WDFY4: variants seen among roughly 807,000 people sequenced by gnomAD.
WDFY4 encodes the protein WD repeat- and FYVE domain-containing protein 4.
In WDFY4, 169 loss-of-function variants were observed where a neutral mutation model predicts 351.9. That is an observed-to-expected ratio of 0.48 (90% CI 0.42 to 0.55). The LOEUF (loss-of-function observed/expected upper bound fraction) is 0.55. Ranked by LOEUF, WDFY4 falls within the 20% of genes least tolerant of loss-of-function variation. WDFY4 has a pLI of 0.00. For synonymous variants in WDFY4, 1,622 were observed against 1,574.6 expected (o/e 1.03, Z -0.71); for missense variants, 3,803 against 3,935.6 (o/e 0.97, Z 0.90).
chr10:48,730,206 G>C (rs1322633354), intron 8 of WDFY4, among the ~76,000 whole-genome samples: 1 of 152,234 alleles, frequency 6.6e-6, no homozygotes, highest in African/African-American at 2.4e-5. Context: ...GAGATGAAGG[G>C]AGAAAGTTTA....
At chr10:48,840,684 T>C (rs2068574778) in intron 39 of WDFY4, among the ~76,000 whole-genome samples, 1 of 152,100 alleles carries the variant, frequency 6.6e-6, no homozygotes, top group African/African-American at 2.4e-5. Context: ...AGCCCAGATT[T>C]TGAAAAAGTG....
intron 13 of WDFY4, among the ~76,000 whole-genome samples, chr10:48,762,441 T>C (rs947490166): frequency 1.3e-5 from 2 of 152,170 alleles, no homozygotes; most frequent in African/African-American, 4.8e-5. Flanking sequence ...AACAGTGAGA[T>C]TTGGGAAAGG....
At chr10:48,743,630 G>A in intron 12 of WDFY4, 82 bp downstream of exon 12, 9 of 1,419,700 alleles carry the variant, frequency 6.3e-6, no homozygotes, top group Non-Finnish European at 8.4e-6. Context: ...GTACTCAGTA[G>A]GAAGGCTCAG....
At chr10:48,701,945 C>T (rs2063491237) in intron 1 of WDFY4, among the ~76,000 whole-genome samples, 1 of 152,184 alleles carries the variant, frequency 6.6e-6, no homozygotes, top group African/African-American at 2.4e-5. Flanking sequence ...AAGCTGAAGC[C>T]AAGGGACTAA....
chr10:48,832,770 C>A, intron 39 of WDFY4, 61 bp downstream of exon 39: 1 of 1,437,550 alleles, frequency 7.0e-7, no homozygotes. Context: ...CCCCATGAGT[C>A]ATATCTCTTC....
At chr10:48,845,824 A>C (rs541677696) in intron 39 of WDFY4, among the ~76,000 whole-genome samples, 1 of 62,096 alleles carries the variant, frequency 1.6e-5, no homozygotes, top group South Asian at 4.8e-4. Context: ...GCTTGAATAT[A>C]CAGTCTCTAA....
At chr10:48,941,240 G>A (rs560335789) in intron 47 of WDFY4, among the ~76,000 whole-genome samples, 1 of 152,284 alleles carries the variant, frequency 6.6e-6, no homozygotes, top group Admixed American at 6.5e-5. Context: ...GGAGAACCGG[G>A]TGTACGATGT....
intron 47 of WDFY4, among the ~76,000 whole-genome samples, chr10:48,902,119 C>T (rs1331160393): frequency 6.6e-6 from 1 of 152,262 alleles, no homozygotes; most frequent in African/African-American, 2.4e-5. Flanking sequence ...CCATCCTCTG[C>T]CTTTGGTGAC....
rs146289033 is a variant in WDFY4 at position 48,840,605 on chromosome 10, C to T, written c.6663+7896C>T. Among the ~76,000 whole-genome samples the T allele has an allele frequency of 7.0e-4, 106 of 152,208 alleles. No homozygotes were observed. In the East Asian group the frequency reaches 0.017, roughly 25 times the overall value. ...ACCTATCACACCAGTGAGAAGGAAG[C>T]GGGAAGGAGTCTGATCAATTGCACC... On this transcript the variant is annotated intron_variant, in intron 39 of 61. Transcript: ENST00000325239.
rs1389511237 is a variant in WDFY4 at position 48,974,996 on chromosome 10, C to T, written c.9063C>T (p.Pro3021=). Reference sequence around the variant, plus strand: ...ACCTCACCCACGTGACCCGCCTGCCCGCCCATCGGGAAGGCATCTCAGCCA... The same window carrying T: ...ACCTCACCCACGTGACCCGCCTGCCTGCCCATCGGGAAGGCATCTCAGCCA... The part of the protein sequence containing the change: ...LDHLTHVTRL[P]AHREGISAIT... The change falls in exon 58 of 62, where the codon CCC becomes CCT. Residue 3021 remains proline (P), a synonymous_variant. Transcript: ENST00000325239. 1.5e-5 allele frequency: 24 copies of T among 1,551,560 alleles called. No individual in the cohort carries two copies. The highest frequency in any genetic ancestry group is 1.7e-4 in the Middle Eastern group (1 of 6,014).
At chr10:48,919,399 CT>C (rs1336566928) in intron 47 of WDFY4, among the ~76,000 whole-genome samples, 2 of 152,120 alleles carry the variant, frequency 1.3e-5, no homozygotes, top group African/African-American at 4.8e-5. Context: ...GGTTGAAACC[CT>C]TTCAAAAAAG....
At chr10:48,784,824 G>A (rs908430017) in intron 19 of WDFY4, among the ~76,000 whole-genome samples, 1 of 144,596 alleles carries the variant, frequency 6.9e-6, no homozygotes, top group Middle Eastern at 3.9e-3. Flanking sequence ...ACAGGCATGA[G>A]CCACCACACC....
At chr10:48,790,664 G>T in intron 22 of WDFY4, 63 bp from the exon 23 acceptor site, 3 of 1,515,694 alleles carry the variant, frequency 2.0e-6, no homozygotes, top group Non-Finnish European at 1.8e-6. Flanking sequence ...TGTGCTGTCG[G>T]GGAATTTCCC....
rs191550753 is a variant in WDFY4, at chr10:48,913,996, C to T, written c.7586+12133C>T. On this transcript the variant is annotated intron_variant, in intron 47 of 61. Transcript: ENST00000325239. ...ATAAGATTCCGGCTAAGGTCCAGCT[C>T]GTCCATGTCACTAAGGCGCAGAATA... 31 of 1,614,116 alleles carry T rather than the reference C, an allele frequency of 1.9e-5. No individual in the cohort carries two copies. The Admixed American group carries it at 2.2e-4, about 11-fold the overall frequency.
At chr10:48,744,169 C>G (rs1348028303) in intron 12 of WDFY4, among the ~76,000 whole-genome samples, 1 of 152,216 alleles carries the variant, frequency 6.6e-6, no homozygotes. Context: ...AAAGAACCAT[C>G]CCTACCCCAA....
chr10:48,785,916 A>T (rs1418232432), intron 19 of WDFY4, among the ~76,000 whole-genome samples: 1 of 152,192 alleles, frequency 6.6e-6, no homozygotes, highest in Admixed American at 6.5e-5. Context: ...CTGGAATTGC[A>T]TTATACTTAC....
Position 48,743,135 on chromosome 10 carries a change from G to A in WDFY4, c.2046G>A (p.Leu682=), listed in dbSNP as rs1260168653. The A allele has an allele frequency of 6.4e-7, 1 of 1,551,558 alleles. No homozygotes were observed. Among genetic ancestry groups the A allele is most frequent in the East Asian group, 2.4e-5 (1 of 40,936 alleles). Residue 682 remains leucine (L), a synonymous_variant, in exon 12 of 62, where the codon TTG becomes TTA. Transcript: ENST00000325239. ...VSPRQTLELV[L]YTLCAVSAAL... ...CCAGACAGACCCTGGAGCTGGTTTT[G>A]TACACTCTCTGTGCTGTGTCCGCAG...
intron 20 of WDFY4, among the ~76,000 whole-genome samples, chr10:48,787,807 CTCTTCTTCTTCTTCTTCTTCT>C (rs1555010319): frequency 3.9e-5 from 3 of 76,682 alleles, no homozygotes; most frequent in Non-Finnish European, 7.3e-5. Flanking sequence ...CCTCCTCCTC[CTCTTCTTCTTCTTCTTCTTCT>C]TCTTCTTCTT....
intron 40 of WDFY4, among the ~76,000 whole-genome samples, chr10:48,870,262 T>C (rs533508622): frequency 6.6e-6 from 1 of 152,184 alleles, no homozygotes; most frequent in Non-Finnish European, 1.5e-5. Flanking sequence ...ACTGGTCAAG[T>C]GTGGTGGCTC....
Sources: allele counts gnomAD v4.1 joint callset (sites outside exome capture counted in the v4.1 genomes callset), GRCh38; gene constraint gnomAD v4.1.1; transcripts MANE v1.5; gene names NCBI Gene and HGNC (gene_info 2026-07-23, HGNC 2026-07-21).